The following AP3S2 variants were observed in gnomAD, a reference collection of about 807,000 sequenced individuals.
The protein encoded by AP3S2 is adaptor related protein complex 3 subunit sigma 2, also known as AP-3 complex subunit sigma-2.
AP3S2 carries 22 observed loss-of-function variants against 23.4 expected under a neutral mutation model. That is an observed-to-expected ratio of 0.94 (90% confidence interval 0.67 to 1.34). The LOEUF (loss-of-function observed/expected upper bound fraction) is 1.34, where lower values mean the gene tolerates loss of function less well. Ranked by LOEUF, AP3S2 falls within the 40% of genes most tolerant of loss-of-function variation. The pLI is 0.00. For synonymous variants in AP3S2, 86 were observed against 87.1 expected, an observed-to-expected ratio of 0.99 and a Z score of 0.07; for missense variants, 241 against 236.9, an observed-to-expected ratio of 1.02 and a Z score of -0.11.
intron 4 of AP3S2, among the ~76,000 whole-genome samples, chr15:89,867,344 C>A (rs1316567055): frequency 6.6e-6 from 1 of 151,526 alleles, no homozygotes; most frequent in Admixed American, 6.6e-5. Flanking sequence ...AGTGCAGTGG[C>A]GTGATCTCAG....
At chr15:89,884,546 G>A (rs571782972) in intron 3 of AP3S2, among the ~76,000 whole-genome samples, 1 of 152,148 alleles carries the variant, frequency 6.6e-6, no homozygotes, top group African/African-American at 2.4e-5. Context: ...GAAAAAAAAG[G>A]CAGGTCTCAC....
intron 5 of AP3S2, 82 bp from the exon 6 acceptor site, chr15:89,835,725 A>G: frequency 6.7e-7 from 1 of 1,482,680 alleles, no homozygotes; most frequent in Admixed American, 2.3e-5. Context: ...AAAAAAAAGC[A>G]AAAACAAAAA....
intron 4 of AP3S2, among the ~76,000 whole-genome samples, chr15:89,857,712 A>G (rs1289135700): frequency 6.6e-6 from 1 of 152,220 alleles, no homozygotes. Flanking sequence ...TCCCTTCTAC[A>G]AAGTGATAAT....
intron 3 of AP3S2, chr15:89,877,094 A>C (rs951429943): frequency 5.4e-5 from 16 of 296,452 alleles, no homozygotes; most frequent in African/African-American, 3.5e-4. Context: ...ATATATATGG[A>C]AATTAGTGGG....
At chr15:89,855,903 C>A (rs1444481310) in intron 4 of AP3S2, among the ~76,000 whole-genome samples, 1 of 137,056 alleles carries the variant, frequency 7.3e-6, no homozygotes, top group Non-Finnish European at 1.5e-5. Context: ...ATGTCTGCAC[C>A]AATAATTCCA....
chr15:89,877,497 G>A (rs558458094), intron 3 of AP3S2: 4 of 799,820 alleles, frequency 5.0e-6, no homozygotes, highest in East Asian at 1.3e-4. Flanking sequence ...AGTAGCATTC[G>A]ATAACGTTCA....
intron 4 of AP3S2, among the ~76,000 whole-genome samples, chr15:89,853,205 C>T (rs943072528): frequency 3.9e-5 from 6 of 152,196 alleles, no homozygotes; most frequent in East Asian, 1.9e-4. Flanking sequence ...TTAAATATAT[C>T]ATTAGGAAGG....
chr15:89,872,600 C>T (rs897115251), intron 3 of AP3S2, among the ~76,000 whole-genome samples: 1 of 152,158 alleles, frequency 6.6e-6, no homozygotes, highest in Admixed American at 6.6e-5. Flanking sequence ...TTGTTCGGCA[C>T]TGCATGAAAA....
At chr15:89,879,755 G>A (rs180741947) in intron 3 of AP3S2, among the ~76,000 whole-genome samples, 139 of 151,902 alleles carry the variant, frequency 9.2e-4, no homozygotes, top group African/African-American at 3.1e-3. Context: ...ACAGGCACCT[G>A]TCACCACGCC....
chr15:89,856,856 G>C (rs886936574), intron 4 of AP3S2, among the ~76,000 whole-genome samples: 9 of 146,144 alleles, frequency 6.2e-5, no homozygotes, highest in African/African-American at 1.8e-4. Context: ...CTGGGCAACA[G>C]AGTAAGACTC....
chr15:89,854,476 A>G (rs1413882942), intron 4 of AP3S2, among the ~76,000 whole-genome samples: 9 of 38,582 alleles, frequency 2.3e-4, no homozygotes, highest in African/African-American at 8.4e-4. Context: ...CTGGGAAGTG[A>G]GGAGCCCCTC....
intron 1 of AP3S2, among the ~76,000 whole-genome samples, chr15:89,890,632 C>G (rs911258631): frequency 6.6e-5 from 10 of 152,268 alleles, no homozygotes; most frequent in African/African-American, 2.2e-4. Context: ...AGTAAGCACC[C>G]AGGCAATAAC....
chr15:89,869,779 AGTCTCGCTCT>A (rs1199768822), intron 4 of AP3S2, among the ~76,000 whole-genome samples: 1 of 151,138 alleles, frequency 6.6e-6, no homozygotes, highest in Non-Finnish European at 1.5e-5. Flanking sequence ...TTTGAGACAC[AGTCTCGCTCT>A]GTTGCCCAGG....
Position 89,832,214 on chromosome 15 carries a change from G to T in AP3S2, c.*3301C>A, listed in dbSNP as rs1895092500. ...ATCCCAACATGTTTGGGAGGCCAAGGCGGGAGGATGGCTTGAGGTAAGGAG... is the reference window on the plus strand; with the variant it reads ...ATCCCAACATGTTTGGGAGGCCAAGTCGGGAGGATGGCTTGAGGTAAGGAG... On this transcript the variant is annotated 3_prime_UTR_variant, in exon 6 of 6. Transcript: ENST00000336418. 1 of 152,142 alleles carries T rather than the reference G, an allele frequency of 6.6e-6. No individual in the cohort carries two copies. Among genetic ancestry groups the T allele is most frequent in the South Asian group, 2.1e-4 (1 of 4,832 alleles). 9.4% of individuals were successfully genotyped at this position (152,142 alleles called of 1,614,324 possible). A position where few individuals can be genotyped will look rare whatever the true frequency, so the allele number is the denominator to read the frequency against.
intron 3 of AP3S2, among the ~76,000 whole-genome samples, chr15:89,884,422 A>C (rs1419221370): frequency 6.6e-6 from 1 of 152,110 alleles, no homozygotes; most frequent in Non-Finnish European, 1.5e-5. Flanking sequence ...ATTAAAAAAA[A>C]ACCACTCAAC....
intron 4 of AP3S2, among the ~76,000 whole-genome samples, chr15:89,859,215 CTCTT>C (rs751498006): frequency 1.2e-3 from 174 of 150,062 alleles, no homozygotes; most frequent in African/African-American, 3.3e-3. Flanking sequence ...TGCTTCCTTT[CTCTT>C]TCTTTCTTTC....
At chr15:89,893,710 G>T (rs1321932195) in intron 1 of AP3S2, 171 bp downstream of exon 1, 7 of 620,428 alleles carry the variant, frequency 1.1e-5, no homozygotes, top group Non-Finnish European at 1.9e-5. Context: ...GAGACAGAAG[G>T]CCTGGCACCA....
intron 3 of AP3S2, 107 bp from the exon 4 acceptor site, chr15:89,871,653 T>A: frequency 8.6e-7 from 1 of 1,166,264 alleles, no homozygotes; most frequent in Admixed American, 2.6e-5. Context: ...CTATTTACTT[T>A]ATGATAAATC....
chr15:89,855,196 G>C (rs1210051920), intron 4 of AP3S2, among the ~76,000 whole-genome samples: 2 of 76,658 alleles, frequency 2.6e-5, no homozygotes, highest in East Asian at 9.6e-4. Context: ...AAATTCCTCT[G>C]CCTTGGGATC....
Sources: gnomAD v4.1 joint callset for allele counts (sites outside exome capture counted in the v4.1 genomes callset) on GRCh38, gnomAD v4.1.1 for gene constraint, MANE v1.5 for transcripts, NCBI Gene and HGNC (gene_info 2026-07-23, HGNC 2026-07-21) for gene names.